FUT9: variants seen among roughly 807,000 people sequenced by gnomAD.
FUT9 encodes 4-galactosyl-N-acetylglucosaminide 3-alpha-L-fucosyltransferase 9.
FUT9 carries 15 observed loss-of-function variants against 29.7 expected under a neutral mutation model. The ratio of observed to expected loss-of-function variants is 0.51; its 90% CI spans 0.34 to 0.78. The LOEUF (loss-of-function observed/expected upper bound fraction) is 0.78. FUT9 is among the 30% of genes least tolerant of loss of function. FUT9 has a pLI of 0.01. For missense variants in FUT9, 319 were observed against 425.4 expected (o/e 0.75, Z 2.20); for synonymous variants, 169 against 153.7 (o/e 1.10, Z -0.74).
At chr6:96,055,709 C>CTTT (rs113298226) in intron 1 of FUT9, among the ~76,000 whole-genome samples, 1 of 45,592 alleles carries the variant, frequency 2.2e-5, no homozygotes. Context: ...ATTTCTTTTT[C>CTTT]TTTTTTTTTT....
At chr6:96,175,038 C>T (rs994055000) in intron 2 of FUT9, among the ~76,000 whole-genome samples, 6 of 151,784 alleles carry the variant, frequency 4.0e-5, no homozygotes, top group South Asian at 2.1e-4. Flanking sequence ...GTTGCTATTC[C>T]GATCACGATT....
At chr6:96,144,232 T>G (rs1047127163) in intron 2 of FUT9, among the ~76,000 whole-genome samples, 3 of 152,254 alleles carry the variant, frequency 2.0e-5, no homozygotes, top group African/African-American at 7.2e-5. Flanking sequence ...GTGATTTTTT[T>G]TTCCAATTAG....
chr6:96,149,277 A>AT (rs35987543), intron 2 of FUT9, among the ~76,000 whole-genome samples: 11 of 151,928 alleles, frequency 7.2e-5, no homozygotes, highest in East Asian at 3.9e-4. Context: ...ACCAGAGAGC[A>AT]TTTTTTTTAA....
intron 2 of FUT9, among the ~76,000 whole-genome samples, chr6:96,178,160 T>A (rs1232925827): frequency 2.0e-5 from 3 of 152,122 alleles, no homozygotes; most frequent in Non-Finnish European, 2.9e-5. Context: ...TAGGAAAGGA[T>A]GTGTACCAGG....
Position 96,147,954 on chromosome 6 carries a change from G to A in FUT9, c.-9+33827G>A, listed in dbSNP as rs535833844. ...CAGAGATAAAGGTAAAAGAACCACCGAACATGGGATAAAGAGTACCGAAGC... is the reference window on the plus strand; with the variant it reads ...CAGAGATAAAGGTAAAAGAACCACCAAACATGGGATAAAGAGTACCGAAGC... On this transcript the variant is annotated intron_variant, in intron 2 of 2. Transcript: ENST00000302103. Among the ~76,000 whole-genome samples the A allele has an allele frequency of 7.9e-5, 12 of 151,394 alleles. No homozygotes were observed. In the South Asian group the frequency reaches 1.7e-3, roughly 21 times the overall value.
chr6:96,123,896 T>G (rs945058389), intron 2 of FUT9, among the ~76,000 whole-genome samples: 3 of 151,760 alleles, frequency 2.0e-5, no homozygotes, highest in African/African-American at 7.3e-5. Flanking sequence ...TTGTTTTTAA[T>G]GCAATCTTCT....
intron 1 of FUT9, among the ~76,000 whole-genome samples, chr6:96,022,360 A>G (rs1167044014): frequency 1.3e-5 from 2 of 152,074 alleles, no homozygotes; most frequent in Non-Finnish European, 2.9e-5. Context: ...GTCTTCACCA[A>G]CAGCTTAATT....
chr6:96,105,669 A>G (rs1251120783), intron 1 of FUT9, among the ~76,000 whole-genome samples: 2 of 152,198 alleles, frequency 1.3e-5, no homozygotes, highest in Non-Finnish European at 2.9e-5. Flanking sequence ...GTTAATTTAT[A>G]CTCAAGAAGA....
chr6:96,115,593 T>C (rs1771895485), intron 2 of FUT9, among the ~76,000 whole-genome samples: 1 of 152,222 alleles, frequency 6.6e-6, no homozygotes, highest in South Asian at 2.1e-4. Context: ...TTTCAAGTGC[T>C]CAGCTGTCTC....
At chr6:96,075,369 C>A (rs191056279) in intron 1 of FUT9, among the ~76,000 whole-genome samples, 19 of 152,188 alleles carry the variant, frequency 1.2e-4, no homozygotes, top group Non-Finnish European at 2.1e-4. Context: ...ACTTGAGAAA[C>A]CATGGAATCC....
intron 1 of FUT9, among the ~76,000 whole-genome samples, chr6:96,051,327 T>C (rs575890324): frequency 4.9e-4 from 75 of 152,272 alleles, no homozygotes; most frequent in African/African-American, 1.7e-3. Flanking sequence ...ATATAGATAC[T>C]GTTACATGAC....
At chr6:96,111,865 T>G (rs959446777) in intron 1 of FUT9, among the ~76,000 whole-genome samples, 23 of 152,168 alleles carry the variant, frequency 1.5e-4, no homozygotes, top group African/African-American at 5.3e-4. Context: ...TCTCTAGTTT[T>G]TATTTAGTGA....
At chr6:96,154,638 C>T (rs1002382870) in intron 2 of FUT9, among the ~76,000 whole-genome samples, 3 of 152,136 alleles carry the variant, frequency 2.0e-5, no homozygotes, top group African/African-American at 7.2e-5. Flanking sequence ...CCATGAAAAG[C>T]TTCATTCTGT....
intron 2 of FUT9, among the ~76,000 whole-genome samples, chr6:96,188,491 T>C (rs1161925525): frequency 6.6e-6 from 1 of 152,092 alleles, no homozygotes; most frequent in Admixed American, 6.6e-5. Flanking sequence ...GCAATACGTG[T>C]GACCTGAGGC....
intron 1 of FUT9, among the ~76,000 whole-genome samples, chr6:96,053,976 C>A: frequency 6.6e-6 from 1 of 152,112 alleles, no homozygotes; most frequent in Non-Finnish European, 1.5e-5. Flanking sequence ...GTAAATCACA[C>A]ATACTTCTAA....
rs115172219 is a variant in FUT9 at position 96,091,397 on chromosome 6, G to A, written c.-97-22642G>A. 4.6e-3 allele frequency among the ~76,000 whole-genome samples: 707 copies of A among 152,112 alleles called. 5 individuals are homozygous for A. The highest frequency in any genetic ancestry group is 0.016 in the African/African-American group (685 of 41,538). Reference sequence around the variant, plus strand: ...TTCATTGGGACCCTTCTGTATTAAAGAAGACTAATGAGTCAATAACAACGC... The same window carrying A: ...TTCATTGGGACCCTTCTGTATTAAAAAAGACTAATGAGTCAATAACAACGC... On this transcript the variant is annotated intron_variant, in intron 1 of 2. Coordinates refer to ENST00000302103, the MANE Select transcript of FUT9 (RefSeq NM_006581.4).
chr6:96,143,114 C>T (rs1010819256), intron 2 of FUT9, among the ~76,000 whole-genome samples: 2 of 152,104 alleles, frequency 1.3e-5, no homozygotes, highest in African/African-American at 2.4e-5. Flanking sequence ...AACCTCATCA[C>T]CAATACTATA....
intron 2 of FUT9, among the ~76,000 whole-genome samples, chr6:96,149,843 T>C (rs547234473): frequency 6.6e-6 from 1 of 152,314 alleles, no homozygotes; most frequent in East Asian, 1.9e-4. Context: ...TTTCTTTGTG[T>C]TAGGAACATT....
intron 1 of FUT9, among the ~76,000 whole-genome samples, chr6:96,035,780 A>T (rs1233491843): frequency 8.1e-6 from 1 of 123,422 alleles, no homozygotes; most frequent in African/African-American, 3.0e-5. Context: ...AATATAATAT[A>T]ATTTATTTAT....
Sources: gnomAD v4.1 joint callset for allele counts (sites outside exome capture counted in the v4.1 genomes callset) on GRCh38, gnomAD v4.1.1 for gene constraint, MANE v1.5 for transcripts, NCBI Gene and HGNC (gene_info 2026-07-23, HGNC 2026-07-21) for gene names.